Variants in WDR37 observed in about 807,000 individuals in gnomAD.
The protein encoded by WDR37 is WD repeat domain 37, also known as WD repeat-containing protein 37.
Under a neutral mutation model 62.9 loss-of-function variants are expected in WDR37, and 19 were observed. The ratio of observed to expected loss-of-function variants is 0.30; its 90% CI spans 0.21 to 0.44. WDR37 has a LOEUF of 0.44. Among genes scored for constraint, WDR37 ranks in the 20% least tolerant of loss-of-function variants. The pLI, the probability that WDR37 is intolerant of heterozygous loss-of-function variation, is 1.00. For synonymous variants in WDR37, 250 were observed against 260.9 expected, an observed-to-expected ratio of 0.96 and a Z score of 0.40; for missense variants, 474 against 657.6, an observed-to-expected ratio of 0.72 and a Z score of 3.05.
At position 1,124,120 on chromosome 10, in the gene WDR37, C is replaced by T. The variant is rs114720536; in HGVS notation, c.1104-98C>T. 3.0e-4 allele frequency: 467 copies of T among 1,547,196 alleles called. 2 individuals carry two copies. In the African/African-American group the frequency reaches 5.6e-3, roughly 19 times the overall value. ...AGAGAGCTGTGAGTTTGCGCTTCTC[C>T]GACCTCCTTCCCACCCACTTGGTCA... On this transcript the variant is annotated intron_variant, in intron 11 of 13. Coordinates refer to ENST00000263150, the MANE Select transcript of WDR37 (RefSeq NM_014023.4).
At position 1,120,154 on chromosome 10, in the gene WDR37, C is replaced by G. The variant is rs569761198; in HGVS notation, c.1104-4064C>G. Among the ~76,000 whole-genome samples, 3 of 152,280 alleles carry G rather than the reference C, an allele frequency of 2.0e-5. No individual in the cohort carries two copies. In the South Asian group the frequency reaches 6.2e-4, roughly 32 times the overall value. On this transcript the variant is annotated intron_variant, in intron 11 of 13. Coordinates refer to ENST00000263150, the MANE Select transcript of WDR37 (RefSeq NM_014023.4). ...CGTCAAATGAATGCTTGTGTGAGTTCTTGAATTCCAAAAGGCGTGGGTGAT... is the reference window on the plus strand; with the variant it reads ...CGTCAAATGAATGCTTGTGTGAGTTGTTGAATTCCAAAAGGCGTGGGTGAT...
chr10:1,087,765 G>A (rs924345202), intron 7 of WDR37, among the ~76,000 whole-genome samples: 2 of 152,190 alleles, frequency 1.3e-5, no homozygotes, highest in Non-Finnish European at 2.9e-5. Context: ...AGTGAGCATT[G>A]ACTTCAGCTG....
chr10:1,107,096 CTGAGCTGGGCCCCCA>C (rs1835047207), intron 11 of WDR37, among the ~76,000 whole-genome samples: 2 of 152,254 alleles, frequency 1.3e-5, no homozygotes, highest in African/African-American at 4.8e-5. Context: ...GCAGCAGGCG[CTGAGCTGGGCCCCCA>C]TGAGCTCCGC....
intron 5 of WDR37, 104 bp downstream of exon 5, chr10:1,080,580 A>G: frequency 1.5e-6 from 2 of 1,344,842 alleles, no homozygotes; most frequent in Non-Finnish European, 2.1e-6. Flanking sequence ...GCAGAAAAAG[A>G]TAAATGGTTT....
At chr10:1,059,050 T>C (rs1833288667) in intron 1 of WDR37, among the ~76,000 whole-genome samples, 1 of 152,240 alleles carries the variant, frequency 6.6e-6, no homozygotes, top group South Asian at 2.1e-4. Flanking sequence ...AAGTAATGTT[T>C]TGTGTTTTTT....
chr10:1,072,228 A>G lies in WDR37; in HGVS notation c.73A>G (p.Ile25Val), dbSNP rs769578695. ...GAAGCGCAAATCCCATAGCCTTTCTATACGAAGAACTAACAGCTCGGAGCA... is the reference window on the plus strand; with the variant it reads ...GAAGCGCAAATCCCATAGCCTTTCTGTACGAAGAACTAACAGCTCGGAGCA... ...KQKRKSHSLSIRRTNSSEQER... is the reference protein window; with the variant it reads ...KQKRKSHSLSVRRTNSSEQER... Residue 25 changes from isoleucine (I) to valine (V), a missense_variant, in exon 2 of 14, where the codon ATA becomes GTA. By Grantham distance (29) the Ile-to-Val change is conservative. Coordinates refer to ENST00000263150, the MANE Select transcript of WDR37 (RefSeq NM_014023.4). The G allele has an allele frequency of 4.3e-6, 7 of 1,614,194 alleles. No homozygotes were observed. Among genetic ancestry groups the G allele is most frequent in the Non-Finnish European group, 4.2e-6 (5 of 1,180,038 alleles).
chr10:1,081,729 C>T (rs1834036224), intron 5 of WDR37, among the ~76,000 whole-genome samples: 1 of 151,940 alleles, frequency 6.6e-6, no homozygotes, highest in Admixed American at 6.6e-5. Context: ...GCTTTTTCTT[C>T]ATAATGAAGT....
At chr10:1,077,590 G>A (rs546732178) in intron 2 of WDR37, among the ~76,000 whole-genome samples, 14 of 152,140 alleles carry the variant, frequency 9.2e-5, no homozygotes, top group Admixed American at 2.6e-4. Context: ...GGGAGCTGCC[G>A]CCTTTCTCTC....
At chr10:1,087,925 A>G (rs1834253670) in intron 7 of WDR37, among the ~76,000 whole-genome samples, 1 of 152,270 alleles carries the variant, frequency 6.6e-6, no homozygotes. Flanking sequence ...CCTGTTGTTT[A>G]GAGTAACCAT....
chr10:1,103,573 T>G lies in WDR37; in HGVS notation c.727-29T>G, dbSNP rs1363219904. Reference sequence around the variant, plus strand: ...AACTCAAGATTTCCAGGAAATGTCTTTCTTTTCTGGCCTTCCCTTTGGCAG... The same window carrying G: ...AACTCAAGATTTCCAGGAAATGTCTGTCTTTTCTGGCCTTCCCTTTGGCAG... On this transcript the variant is annotated intron_variant, in intron 9 of 13. Coordinates refer to ENST00000263150, the MANE Select transcript of WDR37 (RefSeq NM_014023.4). The surrounding 1 kb of genome is among the most constrained non-coding windows in gnomAD (Gnocchi z 6.3). 2 of 1,606,784 alleles carry G rather than the reference T, an allele frequency of 1.2e-6. No individual in the cohort carries two copies. Among genetic ancestry groups the G allele is most frequent in the South Asian group, 2.2e-5 (2 of 90,990 alleles).
chr10:1,080,276 C>A (rs1833989702), intron 4 of WDR37, 136 bp from the exon 5 acceptor site: 5 of 1,275,500 alleles, frequency 3.9e-6, no homozygotes, highest in Non-Finnish European at 5.5e-6. Flanking sequence ...CCTGTTCTGC[C>A]ATGGCTCTGT....
intron 11 of WDR37, among the ~76,000 whole-genome samples, chr10:1,106,349 G>T (rs1158700427): frequency 1.3e-5 from 2 of 152,134 alleles, no homozygotes; most frequent in Admixed American, 1.3e-4. Flanking sequence ...CCTCCCACCA[G>T]TGCTGCTCTC....
At chr10:1,093,108 A>G (rs934527713) in intron 7 of WDR37, among the ~76,000 whole-genome samples, 2 of 152,066 alleles carry the variant, frequency 1.3e-5, no homozygotes, top group African/African-American at 2.4e-5. Context: ...TGTCTGCCAC[A>G]CTATAATTTG....
chr10:1,131,085 C>A lies in WDR37; in HGVS notation c.*1741C>A, dbSNP rs898334169. 19 of 152,312 alleles carry A rather than the reference C, an allele frequency of 1.2e-4. No homozygotes were observed. Among genetic ancestry groups the A allele is most frequent in the Admixed American group, 1.2e-3 (18 of 15,304 alleles). The allele number at this position is 152,312 out of a possible 1,614,324, so 9.4% of individuals were successfully genotyped here. On this transcript the variant is annotated 3_prime_UTR_variant, in exon 14 of 14. Transcript: ENST00000263150. ...TTCTGAGAATGGAGTCCACCTGGTC[C>A]CTCTGGTTGATTAGAATCTCAGGTT...
At chr10:1,087,641 C>G (rs932502674) in intron 7 of WDR37, among the ~76,000 whole-genome samples, 1 of 152,152 alleles carries the variant, frequency 6.6e-6, no homozygotes, top group Non-Finnish European at 1.5e-5. Flanking sequence ...AATACTCAGT[C>G]AACAATGCTG....
At chr10:1,096,385 G>C (rs1834577642) in intron 9 of WDR37, 139 bp downstream of exon 9, 1 of 877,568 alleles carries the variant, frequency 1.1e-6, no homozygotes, top group African/African-American at 1.7e-5. Context: ...CGGTATGGTT[G>C]AATTTGGAGA....
intron 7 of WDR37, among the ~76,000 whole-genome samples, 163 bp from the exon 8 acceptor site, chr10:1,093,289 G>A (rs1834462415): frequency 6.6e-6 from 1 of 152,146 alleles, no homozygotes; most frequent in African/African-American, 2.4e-5. Flanking sequence ...TTGTGCCTGT[G>A]TTCTAATTCA....
At chr10:1,059,920 C>T (rs2131600062) in intron 1 of WDR37, among the ~76,000 whole-genome samples, 1 of 152,268 alleles carries the variant, frequency 6.6e-6, no homozygotes, top group South Asian at 2.1e-4. Context: ...TCTCAGCTCA[C>T]CACTGCCTCC....
At chr10:1,060,509 T>C (rs1408669895) in intron 1 of WDR37, among the ~76,000 whole-genome samples, 2 of 152,108 alleles carry the variant, frequency 1.3e-5, no homozygotes, top group Non-Finnish European at 2.9e-5. Context: ...TTCTTTGTAA[T>C]ATGGTAATCT....
Sources: allele counts gnomAD v4.1 joint callset (sites outside exome capture counted in the v4.1 genomes callset), GRCh38; gene constraint gnomAD v4.1.1; non-coding constraint Gnocchi (gnomAD v3.1); transcripts MANE v1.5; gene names NCBI Gene and HGNC (gene_info 2026-07-23, HGNC 2026-07-21).